GPC6: variants seen among roughly 807,000 people sequenced by gnomAD.
The protein encoded by GPC6 is glypican 6, also known as glypican-6.
Under a neutral mutation model 55.2 loss-of-function variants are expected in GPC6, and 14 were observed. The ratio of observed to expected loss-of-function variants is 0.25; its 90% confidence interval spans 0.17 to 0.40. GPC6 has a LOEUF of 0.40. GPC6 is among the 10% of genes least tolerant of loss of function. The probability of loss-of-function intolerance (pLI) is 1.00; values close to 1 mark genes in which losing one functional copy is unlikely to be tolerated. For synonymous variants in GPC6, 278 were observed against 259.6 expected, an observed-to-expected ratio of 1.07 and a Z score of -0.68; for missense variants, 641 against 708.5, an observed-to-expected ratio of 0.90 and a Z score of 1.08.
chr13:94,315,605 TAG>T (rs984495363), intron 6 of GPC6, among the ~76,000 whole-genome samples: 3 of 152,030 alleles, frequency 2.0e-5, no homozygotes, highest in Non-Finnish European at 4.4e-5. Context: ...GTGCCTCACA[TAG>T]AGAGAGAAAA....
chr13:93,635,346 A>G (rs963742905), intron 2 of GPC6, among the ~76,000 whole-genome samples: 2 of 152,144 alleles, frequency 1.3e-5, no homozygotes, highest in Non-Finnish European at 2.9e-5. Context: ...AAAGAGAGAA[A>G]TTTGTCATGA....
rs545906743 is a variant in GPC6, at chr13:93,664,340, G to A, written c.319+118919G>A. Among the ~76,000 whole-genome samples, 10 of 152,218 alleles carry A rather than the reference G, an allele frequency of 6.6e-5. No homozygotes were observed. The South Asian group carries it at 2.1e-3, about 32-fold the overall frequency. On this transcript the variant is annotated intron_variant, in intron 2 of 8. Transcript: ENST00000377047. ...TGCAGATAAACAAAAAAATGCATGG[G>A]ATTCAGTGAACTTTTTCGTTTTTAT...
rs1403584873 is a variant in GPC6 at position 93,930,249 on chromosome 13, T to C, written c.712-97480T>C. On this transcript the variant is annotated intron_variant, in intron 3 of 8. Transcript: ENST00000377047. ...CAGGACAGGAGTCTGGAGAGGAAGG[T>C]TTTTAAAGGTTATTGGAAACGAAAG... Among the ~76,000 whole-genome samples, 3 of 142,256 alleles carry C rather than the reference T, an allele frequency of 2.1e-5. No individual in the cohort carries two copies. In the Admixed American group the frequency reaches 2.1e-4, roughly 10 times the overall value. The allele number at this position is 142,256 out of a possible 152,430, so 93.3% of individuals were successfully genotyped here.
At chr13:93,488,958 G>A (rs1346201509) in intron 1 of GPC6, among the ~76,000 whole-genome samples, 1 of 151,960 alleles carries the variant, frequency 6.6e-6, no homozygotes, top group Non-Finnish European at 1.5e-5. Flanking sequence ...TTGCTGTGCA[G>A]AAGCTCTTTA....
At chr13:93,838,382 G>A (rs1020314743) in intron 3 of GPC6, among the ~76,000 whole-genome samples, 2 of 152,126 alleles carry the variant, frequency 1.3e-5, no homozygotes, top group Non-Finnish European at 2.9e-5. Flanking sequence ...AGAATGAATA[G>A]CATCTCACAG....
At chr13:94,239,367 C>T (rs182588135) in intron 4 of GPC6, among the ~76,000 whole-genome samples, 1 of 152,256 alleles carries the variant, frequency 6.6e-6, no homozygotes, top group African/African-American at 2.4e-5. Flanking sequence ...TTCCTCTCTA[C>T]TCCCACACAT....
chr13:93,955,259 A>G (rs1330564243), intron 3 of GPC6, among the ~76,000 whole-genome samples: 2 of 151,018 alleles, frequency 1.3e-5, no homozygotes, highest in East Asian at 3.9e-4. Flanking sequence ...ACACACACAC[A>G]CACACACACA....
chr13:93,878,747 G>A lies in GPC6; in HGVS notation c.711+48202G>A, dbSNP rs572500248. 2.6e-5 allele frequency among the ~76,000 whole-genome samples: 4 copies of A among 152,188 alleles called. No homozygotes were observed. The South Asian group carries it at 6.2e-4, about 24-fold the overall frequency. ...CATCATCTTGGAAGCAGAGACTGGG[G>A]CCCTCACCAGACACTGAACCTGCTG... is the stretch of plus-strand genomic sequence containing the variant. On this transcript the variant is annotated intron_variant, in intron 3 of 8. Coordinates refer to ENST00000377047, the MANE Select transcript of GPC6 (RefSeq NM_005708.5).
At chr13:93,442,432 T>C (rs1180277978) in intron 1 of GPC6, among the ~76,000 whole-genome samples, 1 of 152,224 alleles carries the variant, frequency 6.6e-6, no homozygotes, top group Non-Finnish European at 1.5e-5. Flanking sequence ...CATGTGTACC[T>C]GAAATGAATG....
intron 2 of GPC6, among the ~76,000 whole-genome samples, chr13:93,564,428 G>A (rs1875982282): frequency 6.6e-6 from 1 of 152,004 alleles, no homozygotes; most frequent in Non-Finnish European, 1.5e-5. Flanking sequence ...TGTACCTTTT[G>A]AATATTTGAT....
chr13:94,233,736 G>A (rs895665501), intron 4 of GPC6, among the ~76,000 whole-genome samples: 1 of 152,050 alleles, frequency 6.6e-6, no homozygotes, highest in African/African-American at 2.4e-5. Flanking sequence ...TGACCCAAAG[G>A]TACAAGAGGA....
intron 1 of GPC6, among the ~76,000 whole-genome samples, chr13:93,360,541 G>A (rs1881009204): frequency 6.6e-6 from 1 of 152,176 alleles, no homozygotes; most frequent in South Asian, 2.1e-4. Context: ...TATGAAATAT[G>A]AGAATTCTAT....
chr13:94,308,291 C>T (rs1241454530), intron 6 of GPC6, among the ~76,000 whole-genome samples: 5 of 152,150 alleles, frequency 3.3e-5, no homozygotes, highest in African/African-American at 1.2e-4. Flanking sequence ...AGTAAAGCAT[C>T]AACACTTCGA....
At chr13:93,238,094 CTG>C (rs1876299682) in intron 1 of GPC6, among the ~76,000 whole-genome samples, 1 of 152,050 alleles carries the variant, frequency 6.6e-6, no homozygotes, top group African/African-American at 2.4e-5. Context: ...TTTTCTAACT[CTG>C]TGAAAAACGA....
At chr13:93,222,344 G>A (rs1875648500), upstream of GPC6, among the ~76,000 whole-genome samples, 1 of 152,050 alleles carries the variant, frequency 6.6e-6, no homozygotes, top group Admixed American at 6.5e-5. Flanking sequence ...CTCTTTTTAT[G>A]TCCACTCATT....
chr13:93,975,372 T>A (rs1358262358), intron 3 of GPC6, among the ~76,000 whole-genome samples: 1 of 152,094 alleles, frequency 6.6e-6, no homozygotes, highest in Non-Finnish European at 1.5e-5. Context: ...ATAATTGAAG[T>A]GAAATTGAGG....
intron 2 of GPC6, among the ~76,000 whole-genome samples, chr13:93,590,135 G>C (rs371707300): frequency 6.6e-6 from 1 of 152,106 alleles, no homozygotes; most frequent in African/African-American, 2.4e-5. Context: ...GTAATCACCA[G>C]GGAATTTATT....
At chr13:94,012,503 G>A (rs185023810) in intron 3 of GPC6, among the ~76,000 whole-genome samples, 11 of 152,110 alleles carry the variant, frequency 7.2e-5, no homozygotes, top group Admixed American at 2.0e-4. Context: ...ATAGAGTGGC[G>A]ATTGATTAAT....
intron 1 of GPC6, among the ~76,000 whole-genome samples, chr13:93,398,230 C>A (rs1238690115): frequency 1.3e-5 from 2 of 152,172 alleles, no homozygotes; most frequent in Non-Finnish European, 2.9e-5. Context: ...AACGTATGTT[C>A]TTTTTATGTT....
Sources: allele counts gnomAD v4.1 joint callset (sites outside exome capture counted in the v4.1 genomes callset), GRCh38; gene constraint gnomAD v4.1.1; transcripts MANE v1.5; gene names NCBI Gene and HGNC (gene_info 2026-07-23, HGNC 2026-07-21).